Variants in CADM2 observed in about 807,000 individuals in gnomAD.
CADM2 encodes cell adhesion molecule 2.
In CADM2, 12 loss-of-function variants were observed where a neutral mutation model predicts 49.8. The observed-to-expected ratio is 0.24, with a 90% CI of 0.15 to 0.39. The LOEUF (loss-of-function observed/expected upper bound fraction) is 0.39, where lower values mean the gene tolerates loss of function less well. Among genes scored for constraint, CADM2 ranks in the 10% least tolerant of loss-of-function variants. The probability of loss-of-function intolerance (pLI) is 1.00; values close to 1 mark genes in which losing one functional copy is unlikely to be tolerated. For synonymous variants in CADM2, 214 were observed against 175.4 expected (o/e 1.22, Z -1.74); for missense variants, 378 against 492.3 (o/e 0.77, Z 2.20).
At chr3:85,958,945 G>T (rs1241125859) in intron 7 of CADM2, among the ~76,000 whole-genome samples, 5 of 151,646 alleles carry the variant, frequency 3.3e-5, no homozygotes, top group Non-Finnish European at 7.4e-5. Context: ...GTTGATGGAT[G>T]CAGGAAAACA....
chr3:85,479,849 T>C (rs1246269918), intron 1 of CADM2, among the ~76,000 whole-genome samples: 1 of 151,980 alleles, frequency 6.6e-6, no homozygotes, highest in Non-Finnish European at 1.5e-5. Flanking sequence ...AATTCCCAAA[T>C]TTCTTATAGA....
intron 1 of CADM2, among the ~76,000 whole-genome samples, chr3:85,667,495 G>A (rs893551718): frequency 1.3e-5 from 2 of 151,964 alleles, no homozygotes; most frequent in African/African-American, 4.8e-5. Context: ...TGCCATATTA[G>A]CCATTGCAGC....
intron 1 of CADM2, among the ~76,000 whole-genome samples, chr3:85,669,903 T>C (rs761455135): frequency 2.0e-5 from 3 of 152,108 alleles, no homozygotes; most frequent in Non-Finnish European, 2.9e-5. Flanking sequence ...ACCCTTATGA[T>C]GAAGGAGCGG....
intron 1 of CADM2, among the ~76,000 whole-genome samples, chr3:85,386,205 A>C (rs2034221147): frequency 6.6e-6 from 1 of 152,148 alleles, no homozygotes; most frequent in African/African-American, 2.4e-5. Context: ...CAAGGTAGCT[A>C]ATTATTTTGA....
intron 1 of CADM2, among the ~76,000 whole-genome samples, chr3:85,653,682 A>G (rs560032829): frequency 6.3e-4 from 96 of 152,252 alleles, no homozygotes; most frequent in African/African-American, 2.3e-3. Flanking sequence ...TGGAGATATA[A>G]ATTTGGAAAG....
At chr3:85,532,166 G>T (rs140504616) in intron 1 of CADM2, among the ~76,000 whole-genome samples, 35 of 150,232 alleles carry the variant, frequency 2.3e-4, no homozygotes, top group African/African-American at 7.7e-4. Flanking sequence ...GACAGAGCGA[G>T]ACTCCGTCTC....
chr3:85,096,515 G>A (rs2037802248), intron 1 of CADM2, among the ~76,000 whole-genome samples: 1 of 151,974 alleles, frequency 6.6e-6, no homozygotes. Flanking sequence ...AGGTAAATAA[G>A]TATTTGATTT....
intron 1 of CADM2, among the ~76,000 whole-genome samples, chr3:85,475,799 T>G (rs1364290233): frequency 6.6e-6 from 1 of 151,918 alleles, no homozygotes; most frequent in East Asian, 1.9e-4. Flanking sequence ...AAGGAAATTT[T>G]AAGATCCAGG....
chr3:85,924,924 G>A (rs1458776476), intron 6 of CADM2, among the ~76,000 whole-genome samples: 1 of 152,122 alleles, frequency 6.6e-6, no homozygotes, highest in Non-Finnish European at 1.5e-5. Context: ...CTGCTCTCAA[G>A]TACTCTTTTT....
At chr3:85,549,792 T>G (rs1463449814) in intron 1 of CADM2, among the ~76,000 whole-genome samples, 1 of 150,514 alleles carries the variant, frequency 6.6e-6, no homozygotes, top group African/African-American at 2.4e-5. Context: ...CTGGGCTATT[T>G]TTTTTTTTTT....
At chr3:85,235,304 A>G (rs924490062) in intron 1 of CADM2, among the ~76,000 whole-genome samples, 1 of 152,122 alleles carries the variant, frequency 6.6e-6, no homozygotes, top group Non-Finnish European at 1.5e-5. Context: ...TTTGAGTAAC[A>G]TTTGACTTCC....
chr3:85,313,949 C>T (rs1005123036), intron 1 of CADM2, among the ~76,000 whole-genome samples: 34 of 152,050 alleles, frequency 2.2e-4, no homozygotes, highest in African/African-American at 4.8e-5. Context: ...GGAGTGCAGT[C>T]GTGCGATCTC....
At chr3:85,029,268 C>T (rs2034871542) in intron 1 of CADM2, among the ~76,000 whole-genome samples, 1 of 152,076 alleles carries the variant, frequency 6.6e-6, no homozygotes, top group Non-Finnish European at 1.5e-5. Context: ...AAATCAAATA[C>T]AGTTTGAGTA....
chr3:85,401,136 C>T (rs1576486663), intron 1 of CADM2, among the ~76,000 whole-genome samples: 2 of 152,208 alleles, frequency 1.3e-5, no homozygotes, highest in South Asian at 4.1e-4. Context: ...CCTCTCACCA[C>T]TAAGCTGGAC....
intron 1 of CADM2, among the ~76,000 whole-genome samples, chr3:85,482,574 T>A (rs980185695): frequency 6.6e-6 from 1 of 151,696 alleles, no homozygotes; most frequent in Non-Finnish European, 1.5e-5. Context: ...CTGTGAGGAA[T>A]TTATGTAAAG....
intron 1 of CADM2, among the ~76,000 whole-genome samples, chr3:85,592,578 A>G (rs1228536348): frequency 2.6e-5 from 4 of 151,992 alleles, no homozygotes; most frequent in Non-Finnish European, 5.9e-5. Context: ...ATACCTTTAT[A>G]TCTAGACCTT....
chr3:85,963,498 A>T (rs79758258), intron 8 of CADM2, among the ~76,000 whole-genome samples: 1,696 of 151,972 alleles, frequency 0.011, 35 homozygotes, highest in East Asian at 0.061. Context: ...ATGTAAGGAA[A>T]GTGTAGTCTA....
chr3:85,306,006 C>A (rs764190620), intron 1 of CADM2, among the ~76,000 whole-genome samples: 23 of 151,534 alleles, frequency 1.5e-4, no homozygotes, highest in Non-Finnish European at 3.0e-4. Flanking sequence ...TGCCTTATAC[C>A]CAAGATCTCC....
intron 1 of CADM2, among the ~76,000 whole-genome samples, chr3:85,665,083 G>A (rs1272895964): frequency 6.6e-6 from 1 of 151,914 alleles, no homozygotes; most frequent in African/African-American, 2.4e-5. Context: ...GAATAATTAA[G>A]TGCATTAGGA....
Sources: allele counts gnomAD v4.1 joint callset (sites outside exome capture counted in the v4.1 genomes callset), GRCh38; gene constraint gnomAD v4.1.1; transcripts MANE v1.5; gene names NCBI Gene and HGNC (gene_info 2026-07-23, HGNC 2026-07-21).